STK32B: variants seen among roughly 807,000 people sequenced by gnomAD.
The protein encoded by STK32B is serine/threonine kinase 32B, also known as serine/threonine-protein kinase 32B.
STK32B carries 43 observed loss-of-function variants against 52.6 expected under a neutral mutation model. The ratio of observed to expected loss-of-function variants is 0.82; its 90% CI spans 0.64 to 1.05. STK32B has a LOEUF of 1.05. STK32B is among the 50% of genes least tolerant of loss of function. The probability of loss-of-function intolerance (pLI) is 0.00; values close to 1 mark genes in which losing one functional copy is unlikely to be tolerated. For synonymous variants in STK32B, 238 were observed against 204.3 expected (o/e 1.17, Z -1.41); for missense variants, 621 against 534.6 (o/e 1.16, Z -1.59).
At chr4:5,210,544 T>C (rs1722845214) in intron 3 of STK32B, among the ~76,000 whole-genome samples, 1 of 152,180 alleles carries the variant, frequency 6.6e-6, no homozygotes, top group Non-Finnish European at 1.5e-5. Flanking sequence ...CCTCTTATGG[T>C]GTGCATTATG....
intron 11 of STK32B, among the ~76,000 whole-genome samples, chr4:5,491,389 T>C (rs1719722606): frequency 6.6e-6 from 1 of 152,226 alleles, no homozygotes; most frequent in Non-Finnish European, 1.5e-5. Flanking sequence ...TTGAGAAGTG[T>C]CTGTTCATGT....
At chr4:5,131,225 G>A (rs1715751990) in intron 1 of STK32B, among the ~76,000 whole-genome samples, 2 of 152,274 alleles carry the variant, frequency 1.3e-5, no homozygotes, top group South Asian at 2.1e-4. Flanking sequence ...CCAGCACTAA[G>A]GGCTTGCTCT....
chr4:5,127,924 T>C (rs77317148), intron 1 of STK32B, among the ~76,000 whole-genome samples: 17,075 of 152,242 alleles, frequency 0.11, 1,230 homozygotes, highest in Admixed American at 0.24. Context: ...AGAGTTCCCC[T>C]ACACGAGCTC....
chr4:5,054,519 G>GC (rs397765059), intron 1 of STK32B, among the ~76,000 whole-genome samples: 1 of 144,766 alleles, frequency 6.9e-6, no homozygotes, highest in East Asian at 2.3e-4. Context: ...CATGTGGGGG[G>GC]ATTGAGGGGG....
At chr4:5,070,229 C>T (rs116201187) in intron 1 of STK32B, among the ~76,000 whole-genome samples, 7 of 152,264 alleles carry the variant, frequency 4.6e-5, no homozygotes, top group African/African-American at 1.4e-4. Flanking sequence ...GGCAGAGGCC[C>T]GTTCTTAGAA....
intron 6 of STK32B, among the ~76,000 whole-genome samples, chr4:5,433,398 G>GT (rs900481038): frequency 6.6e-6 from 1 of 152,178 alleles, no homozygotes; most frequent in African/African-American, 2.4e-5. Context: ...ACCTGTAGGT[G>GT]TAAGTGTCCG....
At chr4:5,170,261 G>A (rs557775213) in intron 3 of STK32B, among the ~76,000 whole-genome samples, 1 of 152,136 alleles carries the variant, frequency 6.6e-6, no homozygotes, top group East Asian at 1.9e-4. Flanking sequence ...TTAAAGGAAA[G>A]GAATGTGTTG....
intron 11 of STK32B, among the ~76,000 whole-genome samples, chr4:5,487,936 GC>G (rs1200905049): frequency 2.0e-5 from 3 of 152,118 alleles, no homozygotes; most frequent in African/African-American, 7.2e-5. Context: ...AATGTATCAG[GC>G]TTTAGGAACA....
At chr4:5,406,747 G>T (rs1419960127) in intron 5 of STK32B, among the ~76,000 whole-genome samples, 1 of 152,156 alleles carries the variant, frequency 6.6e-6, no homozygotes, top group Non-Finnish European at 1.5e-5. Context: ...TCGAGGTTAG[G>T]CAGGGCAGCA....
chr4:5,230,178 C>CTTTTTTTT lies in STK32B; in HGVS notation c.260+61752_260+61759dup, dbSNP rs752036100. Among the ~76,000 whole-genome samples, 310 of 71,126 alleles carry CTTTTTTTT rather than the reference C, an allele frequency of 4.4e-3. 33 individuals carry two copies. Among genetic ancestry groups the CTTTTTTTT allele is most frequent in the African/African-American group, 0.02 (258 of 12,906 alleles). The allele number at this position is 71,126 out of a possible 152,430, so 46.7% of individuals were successfully genotyped here. On this transcript the variant is annotated intron_variant, in intron 3 of 11. Transcript: ENST00000282908. ...AGAAGAACACTCAAGCATGCATTCCCTTTTTTTTTTTTTTTTTTTTTTTTT... is the reference window on the plus strand; with the variant it reads ...AGAAGAACACTCAAGCATGCATTCCCTTTTTTTTTTTTTTTTTTTTTTTTTTTTTTTTT...
chr4:5,229,423 T>C (rs756971209), intron 3 of STK32B, among the ~76,000 whole-genome samples: 4 of 152,122 alleles, frequency 2.6e-5, no homozygotes, highest in Non-Finnish European at 4.4e-5. Flanking sequence ...ATGAGATAAA[T>C]TATTAGTATC....
intron 3 of STK32B, among the ~76,000 whole-genome samples, chr4:5,265,001 T>C (rs2108849499): frequency 6.6e-6 from 1 of 152,288 alleles, no homozygotes; most frequent in East Asian, 1.9e-4. Flanking sequence ...CCCTAAGAAT[T>C]ATTACCTACC....
rs1385251753 is a variant in STK32B at position 5,268,178 on chromosome 4, TC to T, written c.261-63041del. On this transcript the variant is annotated intron_variant, in intron 3 of 11. Transcript: ENST00000282908. ...GTAAAGAAAGTTTCACTTTGATATT[TC>T]TTTGTGTGTTTGGGCACAGTTCTAC... Among the ~76,000 whole-genome samples, 147 of 152,306 alleles carry T rather than the reference TC, an allele frequency of 9.7e-4. 1 individual carries two copies. The highest frequency in any genetic ancestry group is 3.4e-3 in the African/African-American group (141 of 41,568).
intron 3 of STK32B, among the ~76,000 whole-genome samples, chr4:5,204,644 A>G (rs945339579): frequency 5.9e-5 from 9 of 151,646 alleles, no homozygotes; most frequent in Admixed American, 1.3e-4. Context: ...TAATTTTTGT[A>G]TTTTTAGTAG....
chr4:5,115,478 C>G (rs1222812786), intron 1 of STK32B, among the ~76,000 whole-genome samples: 1 of 152,146 alleles, frequency 6.6e-6, no homozygotes, highest in Non-Finnish European at 1.5e-5. Flanking sequence ...AGCATCTGAA[C>G]AAAGACAAAG....
At chr4:5,292,429 C>T (rs1256711746) in intron 3 of STK32B, among the ~76,000 whole-genome samples, 1 of 152,020 alleles carries the variant, frequency 6.6e-6, no homozygotes. Context: ...TTGTTGGCTG[C>T]TTGTATGTGT....
In STK32B at chr4:5,335,393, G is replaced by A. The variant is rs973362370; in HGVS notation, c.434+4000G>A. 5.3e-5 allele frequency among the ~76,000 whole-genome samples: 8 copies of A among 151,506 alleles called. No individual in the cohort carries two copies. The South Asian group carries it at 6.3e-4, about 12-fold the overall frequency. On this transcript the variant is annotated intron_variant, in intron 4 of 11. Coordinates refer to ENST00000282908, the MANE Select transcript of STK32B (RefSeq NM_018401.3). ...TTTTTTCTTTATTAGTCTTGCTAGC[G>A]GTCTATCAGTTTTGTTGATCCTTTC... is the stretch of plus-strand genomic sequence containing the variant.
rs1249348624 is a variant in STK32B, at chr4:5,139,711, T to C, written c.53-194T>C. The C allele has an allele frequency of 3.7e-5, 22 of 594,702 alleles. No individual in the cohort carries two copies. In the Admixed American group the frequency reaches 5.8e-4, roughly 16 times the overall value. 36.8% of individuals were successfully genotyped at this position (594,702 alleles called of 1,614,324 possible). A position where few individuals can be genotyped will look rare whatever the true frequency, so the allele number is the denominator to read the frequency against. On this transcript the variant is annotated intron_variant, in intron 1 of 11. Transcript: ENST00000282908. ...GAAGGGAAGGCTTCAGATGGACAAT[T>C]TGTGTGCTGGGGAAAAAATGGAATG...
At chr4:5,113,472 G>A (rs929246276) in intron 1 of STK32B, among the ~76,000 whole-genome samples, 4 of 152,192 alleles carry the variant, frequency 2.6e-5, no homozygotes, top group Non-Finnish European at 4.4e-5. Context: ...TGGACATGTA[G>A]TATGGGTAAA....
Sources: gnomAD v4.1 joint callset for allele counts (sites outside exome capture counted in the v4.1 genomes callset) on GRCh38, gnomAD v4.1.1 for gene constraint, MANE v1.5 for transcripts, NCBI Gene and HGNC (gene_info 2026-07-23, HGNC 2026-07-21) for gene names.